The following DISC1 variants were observed in gnomAD, a reference collection of about 807,000 sequenced individuals.
The protein encoded by DISC1 is disrupted in schizophrenia 1 protein.
A neutral mutation model predicts 84.5 loss-of-function variants in DISC1; 57 were observed. The observed-to-expected ratio is 0.67, with a 90% CI of 0.55 to 0.84. DISC1 has a LOEUF of 0.84. DISC1 is among the 40% of genes least tolerant of loss of function. DISC1 has a pLI of 0.00. For missense variants in DISC1, 1,000 were observed against 1,057.8 expected, an observed-to-expected ratio of 0.95 and a Z score of 0.76; for synonymous variants, 411 against 415.2, an observed-to-expected ratio of 0.99 and a Z score of 0.12.
chr1:232,031,280 GAAAGA>G lies in DISC1; in HGVS notation c.2425+4734_2425+4738del, dbSNP rs1002744052. Among the ~76,000 whole-genome samples the G allele has an allele frequency of 6.3e-5, 9 of 143,178 alleles. No individual in the cohort carries two copies. The highest frequency in any genetic ancestry group is 2.2e-4 in the South Asian group (1 of 4,530). 93.9% of individuals were successfully genotyped at this position (143,178 alleles called of 152,430 possible). A position where few individuals can be genotyped will look rare whatever the true frequency, so the allele number is the denominator to read the frequency against. ...AGAAAGAAAGATAAAGAAAGAAAAA[GAAAGA>G]AAAGAGGAAGGAAGGAAGGAGAGAG... On this transcript the variant is annotated intron_variant, in intron 12 of 12. Coordinates refer to ENST00000439617, the MANE Select transcript of DISC1 (RefSeq NM_018662.3). This position sits in a 1 kb window ranked among gnomAD's most constrained non-coding sequence, Gnocchi z 4.6.
chr1:231,874,999 G>T (rs2085768473), intron 9 of DISC1, among the ~76,000 whole-genome samples: 1 of 152,040 alleles, frequency 6.6e-6, no homozygotes, highest in Admixed American at 6.5e-5. Context: ...CAGAAACTAG[G>T]GTGGAGACAT....
At chr1:231,947,792 G>A (rs1019472908) in intron 9 of DISC1, among the ~76,000 whole-genome samples, 2 of 152,148 alleles carry the variant, frequency 1.3e-5, no homozygotes, top group African/African-American at 2.4e-5. Flanking sequence ...CAAAAAGTGG[G>A]CAAAGGATAT....
chr1:231,632,910 A>G (rs113819625), intron 1 of DISC1, among the ~76,000 whole-genome samples: 3 of 152,282 alleles, frequency 2.0e-5, no homozygotes, highest in African/African-American at 7.2e-5. Flanking sequence ...ATCTCTACTT[A>G]AAATACAAAA....
chr1:231,983,606 AGGGGGTTGGGGGGTTGGGGGGAAGGGTT>A (rs1663955275), intron 10 of DISC1, among the ~76,000 whole-genome samples: 1 of 27,300 alleles, frequency 3.7e-5, no homozygotes, highest in African/African-American at 1.6e-4. Flanking sequence ...AGTAGGGGAG[AGGGGGTTGGGGGGTTGGGGGGAAGGGTT>A]GGGGGTTGGG....
intron 9 of DISC1, among the ~76,000 whole-genome samples, chr1:231,933,894 C>G (rs2090822822): frequency 6.6e-6 from 1 of 152,168 alleles, no homozygotes; most frequent in Non-Finnish European, 1.5e-5. Flanking sequence ...ACACCAAGAG[C>G]CTCCCTTGAG....
chr1:231,628,745 T>A (rs542621669), intron 1 of DISC1, among the ~76,000 whole-genome samples: 7 of 151,950 alleles, frequency 4.6e-5, no homozygotes, highest in African/African-American at 1.4e-4. Flanking sequence ...ATTTAGGTAA[T>A]TTTTTTTTCT....
In DISC1 at chr1:232,040,278, GCCA is replaced by G. The variant is rs1670730165; in HGVS notation, c.*3450_*3452del. 6.6e-6 allele frequency: 1 copy of G among 152,166 alleles called. No homozygotes were observed. The highest frequency in any genetic ancestry group is 2.4e-5 in the African/African-American group (1 of 41,404). The allele number at this position is 152,166 out of a possible 1,614,324, so 9.4% of individuals were successfully genotyped here. On this transcript the variant is annotated 3_prime_UTR_variant, in exon 13 of 13. Coordinates refer to ENST00000439617, the MANE Select transcript of DISC1 (RefSeq NM_018662.3). ...CAAAGTGCTGAGATTACAGGTGTGA[GCCA>G]CCGCACCCGGCCAACTTTCTGAAAT...
Position 231,897,570 on chromosome 1 carries a change from A to C in DISC1, c.1982-61258A>C, listed in dbSNP as rs180706376. Among the ~76,000 whole-genome samples the C allele has an allele frequency of 1.2e-4, 18 of 151,720 alleles. No homozygotes were observed. The highest frequency in any genetic ancestry group is 4.4e-4 in the African/African-American group (18 of 41,250). On this transcript the variant is annotated intron_variant, in intron 9 of 12. Coordinates refer to ENST00000439617, the MANE Select transcript of DISC1 (RefSeq NM_018662.3). This position sits in a 1 kb window ranked among gnomAD's most constrained non-coding sequence, Gnocchi z 4.5. Reference sequence around the variant, plus strand: ...CCAGCCTATTTGTGGCATCTGAAAAACTTTGCGGCAGCATTTTACAGCCAT... The same window carrying C: ...CCAGCCTATTTGTGGCATCTGAAAACCTTTGCGGCAGCATTTTACAGCCAT...
rs568584499 is a variant in DISC1 at position 231,870,567 on chromosome 1, C to T, written c.1981+52050C>T. 4.6e-5 allele frequency among the ~76,000 whole-genome samples: 7 copies of T among 152,274 alleles called. No homozygotes were observed. The South Asian group carries it at 1.2e-3, about 27-fold the overall frequency. On this transcript the variant is annotated intron_variant, in intron 9 of 12. Transcript: ENST00000439617. ...GGCGGCTGGAGCAGGGTGTGCTGCCCATCTGTGGCTCCATCAGTTTCCATA... is the reference window on the plus strand; with the variant it reads ...GGCGGCTGGAGCAGGGTGTGCTGCCTATCTGTGGCTCCATCAGTTTCCATA...
intron 1 of DISC1, among the ~76,000 whole-genome samples, chr1:231,631,685 A>G (rs1380146209): frequency 6.6e-6 from 1 of 152,056 alleles, no homozygotes; most frequent in Non-Finnish European, 1.5e-5. Flanking sequence ...ATATTTTTGT[A>G]CAGCTGCACA....
At chr1:231,810,218 G>A (rs569609076) in intron 8 of DISC1, among the ~76,000 whole-genome samples, 2 of 151,642 alleles carry the variant, frequency 1.3e-5, no homozygotes, top group African/African-American at 4.8e-5. Flanking sequence ...TGGGTGGGTG[G>A]GTGCTCAAGG....
intron 12 of DISC1, among the ~76,000 whole-genome samples, chr1:232,026,915 A>AT (rs1194577979): frequency 5.3e-5 from 8 of 151,430 alleles, no homozygotes; most frequent in South Asian, 2.1e-4. Context: ...CGCCCAGCTA[A>AT]TTTTTTTGTA....
intron 9 of DISC1, among the ~76,000 whole-genome samples, chr1:231,879,010 G>A (rs2086087619): frequency 6.6e-6 from 1 of 151,918 alleles, no homozygotes; most frequent in Admixed American, 6.6e-5. Flanking sequence ...GTGGACATTT[G>A]GGTAGTGTCT....
chr1:231,880,658 G>A (rs1177126180), intron 9 of DISC1, among the ~76,000 whole-genome samples: 1 of 152,112 alleles, frequency 6.6e-6, no homozygotes, highest in Non-Finnish European at 1.5e-5. Context: ...TTAAAGGTCA[G>A]TGGGCACCAA....
chr1:231,949,023 C>G (rs1044998428), intron 9 of DISC1, among the ~76,000 whole-genome samples: 1 of 151,996 alleles, frequency 6.6e-6, no homozygotes, highest in Non-Finnish European at 1.5e-5. Context: ...GTGCGTGCCA[C>G]CACGCCCAGC....
intron 7 of DISC1, 46 bp from the exon 8 acceptor site, chr1:231,800,062 T>C: frequency 6.7e-7 from 1 of 1,500,828 alleles, no homozygotes. Context: ...GCCTTCTGAT[T>C]TTTAGCTGAA....
intron 4 of DISC1, among the ~76,000 whole-genome samples, chr1:231,759,552 C>CAAA (rs1359575315): frequency 3.1e-5 from 2 of 64,336 alleles, no homozygotes; most frequent in East Asian, 4.9e-4. Flanking sequence ...AAAAAAAAAA[C>CAAA]AAAACTAGCC....
At chr1:231,905,274 C>G (rs1158077385) in intron 9 of DISC1, among the ~76,000 whole-genome samples, 1 of 152,142 alleles carries the variant, frequency 6.6e-6, no homozygotes, top group Non-Finnish European at 1.5e-5. Context: ...GAGGTGCATT[C>G]CACAAAATAA....
At chr1:231,848,035 A>G (rs2083588714) in intron 9 of DISC1, among the ~76,000 whole-genome samples, 1 of 152,214 alleles carries the variant, frequency 6.6e-6, no homozygotes, top group South Asian at 2.1e-4. Context: ...ATTCATCAAA[A>G]GGAGGCAGTT....
Sources: allele counts gnomAD v4.1 joint callset (sites outside exome capture counted in the v4.1 genomes callset), GRCh38; gene constraint gnomAD v4.1.1; non-coding constraint Gnocchi (gnomAD v3.1); transcripts MANE v1.5; gene names NCBI Gene and HGNC (gene_info 2026-07-23, HGNC 2026-07-21).